STARD3NL: variants seen among roughly 807,000 people sequenced by gnomAD.
The protein encoded by STARD3NL is STARD3 N-terminal-like protein.
STARD3NL carries 17 observed loss-of-function variants against 30.9 expected under a neutral mutation model. That is an observed-to-expected ratio of 0.55 (90% CI 0.38 to 0.82). STARD3NL has a LOEUF of 0.82. STARD3NL is among the 40% of genes least tolerant of loss of function. The pLI is 0.00. For synonymous variants in STARD3NL, 112 were observed against 100.5 expected (o/e 1.11, Z -0.69); for missense variants, 234 against 277.6 (o/e 0.84, Z 1.12).
intron 2 of STARD3NL, among the ~76,000 whole-genome samples, chr7:38,212,145 T>G (rs1269042195): frequency 2.0e-5 from 3 of 152,202 alleles, no homozygotes; most frequent in Admixed American, 2.0e-4. Context: ...TGTCACTTTC[T>G]GTTACAGCTC....
chr7:38,205,181 A>T (rs1042627155), intron 1 of STARD3NL, among the ~76,000 whole-genome samples: 1 of 151,714 alleles, frequency 6.6e-6, no homozygotes, highest in Non-Finnish European at 1.5e-5. Context: ...GAGACACAAC[A>T]AAAAAAGAGA....
chr7:38,204,266 A>G (rs543427505), intron 1 of STARD3NL, among the ~76,000 whole-genome samples: 15 of 152,360 alleles, frequency 9.8e-5, no homozygotes, highest in African/African-American at 3.6e-4. Flanking sequence ...GTAAAAGAAG[A>G]GAAATTATAA....
intron 6 of STARD3NL, among the ~76,000 whole-genome samples, chr7:38,218,098 A>C (rs1461312002): frequency 6.6e-6 from 1 of 152,202 alleles, no homozygotes; most frequent in Non-Finnish European, 1.5e-5. Context: ...ATGGAAGCCC[A>C]CATGCCCCAC....
intron 1 of STARD3NL, among the ~76,000 whole-genome samples, chr7:38,182,211 C>T (rs774026303): frequency 1.3e-5 from 2 of 152,136 alleles, no homozygotes; most frequent in African/African-American, 2.4e-5. Flanking sequence ...ATCATCTTAT[C>T]TTTGAGAGAC....
chr7:38,186,860 G>C (rs979324500), intron 1 of STARD3NL, among the ~76,000 whole-genome samples: 1 of 152,108 alleles, frequency 6.6e-6, no homozygotes, highest in Non-Finnish European at 1.5e-5. Context: ...TTAAGTTTAG[G>C]AGTTAGAGCC....
chr7:38,205,581 C>T (rs562690308), intron 1 of STARD3NL, among the ~76,000 whole-genome samples: 2 of 152,010 alleles, frequency 1.3e-5, no homozygotes, highest in African/African-American at 4.8e-5. Context: ...CTAATTGATA[C>T]TATTATAGAT....
At chr7:38,215,372 A>G in intron 4 of STARD3NL, 1 of 465,968 alleles carries the variant, frequency 2.1e-6, no homozygotes, top group South Asian at 3.8e-5. Context: ...GCACCAAGCC[A>G]CCCTCTACCT....
chr7:38,226,586 CT>C (rs1325532445), intron 7 of STARD3NL, among the ~76,000 whole-genome samples: 1 of 152,210 alleles, frequency 6.6e-6, no homozygotes, highest in Non-Finnish European at 1.5e-5. Flanking sequence ...CTGCTAAGTC[CT>C]TTCCTGCTCT....
At chr7:38,207,255 A>G (rs541748342) in intron 1 of STARD3NL, among the ~76,000 whole-genome samples, 192 bp from the exon 2 acceptor site, 2 of 152,266 alleles carry the variant, frequency 1.3e-5, no homozygotes, top group South Asian at 4.1e-4. Context: ...TAAAACAGCT[A>G]TTTTGTAGTA....
At chr7:38,186,741 TGG>T (rs1331588671) in intron 1 of STARD3NL, among the ~76,000 whole-genome samples, 1 of 152,326 alleles carries the variant, frequency 6.6e-6, no homozygotes, top group Non-Finnish European at 1.5e-5. Context: ...AGGTGTACAG[TGG>T]GCTCTACCAT....
intron 1 of STARD3NL, chr7:38,198,282 G>T (rs1246018546): frequency 6.6e-6 from 1 of 152,250 alleles, no homozygotes. Flanking sequence ...AAAGTCAATT[G>T]CCTCCAGGCT....
At chr7:38,210,467 C>G (rs1042266561) in intron 2 of STARD3NL, among the ~76,000 whole-genome samples, 1 of 152,212 alleles carries the variant, frequency 6.6e-6, no homozygotes, top group Non-Finnish European at 1.5e-5. Context: ...ACCATCCCAG[C>G]CTCAAATGCA....
At chr7:38,202,854 G>A (rs2116178001) in intron 1 of STARD3NL, among the ~76,000 whole-genome samples, 1 of 151,518 alleles carries the variant, frequency 6.6e-6, no homozygotes, top group African/African-American at 2.4e-5. Flanking sequence ...ATAGTTTGCT[G>A]AGAATGATGG....
intron 1 of STARD3NL, among the ~76,000 whole-genome samples, chr7:38,193,137 C>T (rs927950112): frequency 1.3e-5 from 2 of 152,156 alleles, no homozygotes; most frequent in Non-Finnish European, 2.9e-5. Context: ...CCACCTGCCT[C>T]CAATTAAAAA....
At chr7:38,226,149 C>CTTT (rs1786747101) in intron 7 of STARD3NL, among the ~76,000 whole-genome samples, 1 of 51,734 alleles carries the variant, frequency 1.9e-5, no homozygotes, top group African/African-American at 9.4e-5. Context: ...CTTTGCCTAT[C>CTTT]TTGTTTTTTT....
intron 1 of STARD3NL, among the ~76,000 whole-genome samples, chr7:38,181,284 G>A (rs1784236780): frequency 6.6e-6 from 1 of 152,178 alleles, no homozygotes; most frequent in African/African-American, 2.4e-5. Context: ...ATTGCCTACA[G>A]TTTGCTAACT....
At chr7:38,197,139 T>TCTTTCTTTCTTTCTTC (rs754769419) in intron 1 of STARD3NL, among the ~76,000 whole-genome samples, 9 of 120,508 alleles carry the variant, frequency 7.5e-5, no homozygotes, top group African/African-American at 3.7e-4. Context: ...TTACCTTTTT[T>TCTTTCTTTCTTTCTTC]CTTTCTTTCT....
intron 7 of STARD3NL, among the ~76,000 whole-genome samples, chr7:38,224,333 C>A (rs1477822950): frequency 6.6e-6 from 1 of 152,124 alleles, no homozygotes; most frequent in Non-Finnish European, 1.5e-5. Flanking sequence ...AGAGGATTTG[C>A]TGTGTCATGT....
Position 38,205,786 on chromosome 7 carries a change from A to T in STARD3NL, c.-58-1661A>T, listed in dbSNP as rs1474372585. Among the ~76,000 whole-genome samples, 3 of 152,182 alleles carry T rather than the reference A, an allele frequency of 2.0e-5. No homozygotes were observed. The East Asian group carries it at 5.8e-4, about 29-fold the overall frequency. ...TACCACTACTCAGGTAAAGAAATAG[A>T]ACTTTACCAAGTCCCCTAAATATGC... On this transcript the variant is annotated intron_variant, in intron 1 of 8. Transcript: ENST00000009041.
Sources: gnomAD v4.1 joint callset for allele counts (sites outside exome capture counted in the v4.1 genomes callset) on GRCh38, gnomAD v4.1.1 for gene constraint, MANE v1.5 for transcripts, NCBI Gene and HGNC (gene_info 2026-07-23, HGNC 2026-07-21) for gene names.